The following KRTAP4-9 variants were observed in gnomAD, a reference collection of about 807,000 sequenced individuals.
KRTAP4-9 encodes keratin associated protein 4-9, also known as keratin-associated protein 4-9.
Under a neutral mutation model 4.3 loss-of-function variants are expected in KRTAP4-9, and 4 were observed. The observed-to-expected ratio is 0.94, with a 90% CI of 0.46 to 2.15. The LOEUF is 2.15. KRTAP4-9 is among the 30% of genes most tolerant of loss of function. The probability of loss-of-function intolerance (pLI) is 0.02; values close to 1 mark genes in which losing one functional copy is unlikely to be tolerated. For missense variants in KRTAP4-9, 297 were observed against 278.5 expected, an observed-to-expected ratio of 1.07 and a Z score of -0.47; for synonymous variants, 111 against 99.2, an observed-to-expected ratio of 1.12 and a Z score of -0.70.
At chr17:41,106,013 T>C in exon 1 of KRTAP4-9, 1 of 1,582,988 alleles carries the variant, frequency 6.3e-7, no homozygotes, top group East Asian at 2.3e-5. Flanking sequence ...TGCCTCCTCT[T>C]GCTGCTGAGC....
At chr17:41,105,553 C>T (rs765170522) in exon 1 of KRTAP4-9, 2 of 1,570,378 alleles carry the variant, frequency 1.3e-6, no homozygotes, top group South Asian at 1.1e-5. Flanking sequence ...CCCAGTGCTG[C>T]CAGTCTGTGT....
exon 1 of KRTAP4-9, chr17:41,105,776 T>C: frequency 1.7e-5 from 28 of 1,605,338 alleles, no homozygotes; most frequent in Non-Finnish European, 2.4e-5. Context: ...CCCCAGCTGC[T>C]GTGTGTCCAG....
chr17:41,106,106 A>G, exon 1 of KRTAP4-9: 2 of 1,478,478 alleles, frequency 1.4e-6, no homozygotes, highest in Non-Finnish European at 1.8e-6. Flanking sequence ...GGATACAGGA[A>G]GTGGGGTTGA....
chr17:41,105,996 T>G (rs541062512), exon 1 of KRTAP4-9: 1 of 1,591,388 alleles, frequency 6.3e-7, no homozygotes, highest in Non-Finnish European at 8.6e-7. Context: ...CCCCGCCCCT[T>G]GTGCTGTGCC....
exon 1 of KRTAP4-9, chr17:41,106,061 C>T: frequency 1.3e-6 from 2 of 1,539,192 alleles, no homozygotes; most frequent in Middle Eastern, 1.7e-4. Flanking sequence ...ACCACTGGCC[C>T]ACAGATGTAG....
chr17:41,105,492 G>A (rs2014066442), exon 1 of KRTAP4-9: 1 of 1,567,320 alleles, frequency 6.4e-7, no homozygotes, highest in Non-Finnish European at 8.6e-7. Flanking sequence ...ACCACCTGCT[G>A]CAGGACCACC....
exon 1 of KRTAP4-9, chr17:41,106,179 G>T: frequency 7.8e-7 from 1 of 1,288,976 alleles, no homozygotes; most frequent in Non-Finnish European, 1.0e-6. Context: ...CTGACTCTTT[G>T]AGAACATTCT....
At chr17:41,105,803 T>G (rs1025054624) in exon 1 of KRTAP4-9, 2 of 1,612,094 alleles carry the variant, frequency 1.2e-6, no homozygotes, top group African/African-American at 2.7e-5. Flanking sequence ...CAAGCCCCAG[T>G]GCTGCCAGTC....
chr17:41,105,407 G>A, exon 1 of KRTAP4-9: 5 of 1,604,640 alleles, frequency 3.1e-6, no homozygotes, highest in Admixed American at 1.7e-5. Context: ...CTCCTGTTGT[G>A]GCTCCGTGTG....
exon 1 of KRTAP4-9, chr17:41,105,471 G>C: frequency 6.2e-7 from 1 of 1,603,290 alleles, no homozygotes; most frequent in Non-Finnish European, 8.5e-7. Flanking sequence ...TGCCGCCCCA[G>C]CTGCTGTGAG....
chr17:41,105,411 C>T, exon 1 of KRTAP4-9: 7 of 1,607,380 alleles, frequency 4.4e-6, no homozygotes, highest in Non-Finnish European at 5.9e-6. Context: ...TGTTGTGGCT[C>T]CGTGTGCTCT....
chr17:41,105,629 C>T (rs554891170), exon 1 of KRTAP4-9: 11 of 1,600,340 alleles, frequency 6.9e-6, no homozygotes, highest in East Asian at 4.7e-5. Flanking sequence ...CACCTGCTAC[C>T]GCCCCAGCTG....
rs202094582 is a variant in KRTAP4-9 at position 41,105,433 on chromosome 17, C to A, written c.45C>A (p.Cys15Ter). The A allele has an allele frequency of 1.2e-5, 20 of 1,612,760 alleles. No homozygotes were observed. Among genetic ancestry groups the A allele is most frequent in the Non-Finnish European group, 1.6e-5 (19 of 1,179,558 alleles). The change falls in exon 1 of 1, where the codon TGC (cysteine) becomes TGA (stop). Residue 15 changes from cysteine (C) to a stop codon, truncating the protein, a stop_gained. Transcript: ENST00000391415. LOFTEE classifies it low-confidence loss of function (END_TRUNC). Reference sequence around the variant, plus strand: ...GCTCCGTGTGCTCTGACCAGGGCTGCGGCCAAGACCTCTGTCAGGAGACCT... The same window carrying A: ...GCTCCGTGTGCTCTGACCAGGGCTGAGGCCAAGACCTCTGTCAGGAGACCT...
chr17:41,106,400 C>T (rs536119563), exon 1 of KRTAP4-9: 11 of 306,958 alleles, frequency 3.6e-5, no homozygotes, highest in Admixed American at 1.9e-4. Flanking sequence ...CAGATCCAGC[C>T]GCCCAGTTAT....
chr17:41,106,398 G>C, exon 1 of KRTAP4-9: 1 of 313,398 alleles, frequency 3.2e-6, no homozygotes, highest in Non-Finnish European at 6.2e-6. Context: ...CTCAGATCCA[G>C]CCGCCCAGTT....
Position 41,105,778 on chromosome 17 carries a change from T to A in KRTAP4-9, c.390T>A (p.Cys130Ter), listed in dbSNP as rs763295260. 2.5e-6 allele frequency: 4 copies of A among 1,604,350 alleles called. No homozygotes were observed. The South Asian group carries it at 4.5e-5, about 18-fold the overall frequency. Reference sequence around the variant, plus strand: ...CCAGCTGCTGTCGCCCCAGCTGCTGTGTGTCCAGCTGCTGCAAGCCCCAGT... The same window carrying A: ...CCAGCTGCTGTCGCCCCAGCTGCTGAGTGTCCAGCTGCTGCAAGCCCCAGT... The change falls in exon 1 of 1, where the codon TGT (cysteine) becomes TGA (stop). Residue 130 changes from cysteine to a stop codon, truncating the protein, a stop_gained. Coordinates refer to ENST00000391415, the Ensembl canonical transcript of KRTAP4-9. LOFTEE classifies it high-confidence loss of function.
exon 1 of KRTAP4-9, chr17:41,106,246 G>T: frequency 2.5e-6 from 2 of 789,260 alleles, no homozygotes; most frequent in South Asian, 4.5e-5. Context: ...GGCACCAAAT[G>T]TGAATTAATT....
chr17:41,106,025 C>A, exon 1 of KRTAP4-9: 2 of 1,574,124 alleles, frequency 1.3e-6, no homozygotes, highest in Non-Finnish European at 1.7e-6. Context: ...CTGCTGAGCC[C>A]ACTGCCCTGG....
At chr17:41,105,442 C>A (rs1284929367) in exon 1 of KRTAP4-9, 1 of 1,613,476 alleles carries the variant, frequency 6.2e-7, no homozygotes, top group South Asian at 1.1e-5. Flanking sequence ...GCGGCCAAGA[C>A]CTCTGTCAGG....
Sources: allele counts gnomAD v4.1 joint callset, GRCh38; gene constraint gnomAD v4.1.1; transcripts MANE v1.5; gene names NCBI Gene and HGNC (gene_info 2026-07-23, HGNC 2026-07-21).